ZHX2: variants seen among roughly 807,000 people sequenced by gnomAD.
ZHX2 encodes zinc fingers and homeoboxes protein 2.
In ZHX2, 6 loss-of-function variants were observed where a neutral mutation model predicts 21.9. That is an observed-to-expected ratio of 0.27 (90% CI 0.15 to 0.54). The LOEUF is 0.54. ZHX2 is among the 20% of genes least tolerant of loss of function. ZHX2 has a pLI of 0.95. For synonymous variants in ZHX2, 434 were observed against 437.1 expected, an observed-to-expected ratio of 0.99 and a Z score of 0.09; for missense variants, 908 against 1,090.7, an observed-to-expected ratio of 0.83 and a Z score of 2.36.
chr8:122,825,570 T>G (rs565911651), intron 1 of ZHX2, among the ~76,000 whole-genome samples: 61 of 152,302 alleles, frequency 4.0e-4, no homozygotes, highest in African/African-American at 1.4e-3. Context: ...CACCATATTT[T>G]AGTCCATGTT....
At chr8:122,817,966 C>T (rs935998823) in intron 1 of ZHX2, among the ~76,000 whole-genome samples, 2 of 152,226 alleles carry the variant, frequency 1.3e-5, no homozygotes, top group African/African-American at 4.8e-5. Context: ...TCCCAGATTG[C>T]TCAGCCCTCA....
At chr8:122,949,186 T>C (rs1813049029) in intron 2 of ZHX2, among the ~76,000 whole-genome samples, 1 of 152,120 alleles carries the variant, frequency 6.6e-6, no homozygotes, top group South Asian at 2.1e-4. Context: ...TAGCCTGGCG[T>C]GGTGGCGCAT....
At chr8:122,844,955 G>C (rs540056996) in intron 1 of ZHX2, among the ~76,000 whole-genome samples, 1 of 152,310 alleles carries the variant, frequency 6.6e-6, no homozygotes, top group South Asian at 2.1e-4. Context: ...GTGGGGCTTG[G>C]TGGCCTTACA....
chr8:122,917,127 A>G (rs557395029), intron 2 of ZHX2, among the ~76,000 whole-genome samples: 21 of 152,226 alleles, frequency 1.4e-4, no homozygotes, highest in Admixed American at 3.9e-4. Context: ...CAGGGCTCCC[A>G]GCCTTGGGCT....
intron 1 of ZHX2, among the ~76,000 whole-genome samples, chr8:122,848,664 AT>A (rs1563752969): frequency 6.6e-6 from 1 of 152,192 alleles, no homozygotes; most frequent in Non-Finnish European, 1.5e-5. Context: ...TTTTGCCTGG[AT>A]TCCCATATTT....
chr8:122,919,917 C>T (rs779251912), intron 2 of ZHX2, among the ~76,000 whole-genome samples: 21 of 152,222 alleles, frequency 1.4e-4, no homozygotes, highest in Non-Finnish European at 2.4e-4. Flanking sequence ...GTAATTCCTA[C>T]ACCCATAGAT....
intron 1 of ZHX2, among the ~76,000 whole-genome samples, chr8:122,841,215 A>C (rs1818617053): frequency 6.6e-6 from 1 of 152,132 alleles, no homozygotes; most frequent in African/African-American, 2.4e-5. Context: ...AGCCCTAATG[A>C]GAACTCTCAA....
At chr8:122,965,645 G>A (rs770312073) in intron 3 of ZHX2, among the ~76,000 whole-genome samples, 1 of 152,012 alleles carries the variant, frequency 6.6e-6, no homozygotes, top group Non-Finnish European at 1.5e-5. Flanking sequence ...TAGAACATTC[G>A]GAAAATATCT....
chr8:122,819,098 C>A (rs1221549883), intron 1 of ZHX2, among the ~76,000 whole-genome samples: 2 of 152,156 alleles, frequency 1.3e-5, no homozygotes, highest in African/African-American at 4.8e-5. Flanking sequence ...GAGCTGAAGG[C>A]CTTCTTGAAG....
At chr8:122,816,269 GTACTGCTGTTGCTTATTAGAC>G (rs1465847243) in intron 1 of ZHX2, 1 of 151,922 alleles carries the variant, frequency 6.6e-6, no homozygotes, top group Admixed American at 6.6e-5. Flanking sequence ...TTTTTTATGT[GTACTGCTGTTGCTTATTAGAC>G]TATAGTACAG....
intron 1 of ZHX2, among the ~76,000 whole-genome samples, chr8:122,856,222 C>A (rs1819018578): frequency 6.6e-6 from 1 of 152,144 alleles, no homozygotes; most frequent in Non-Finnish European, 1.5e-5. Flanking sequence ...AGTCTCTAAC[C>A]AAGAATATGC....
intron 1 of ZHX2, among the ~76,000 whole-genome samples, chr8:122,840,149 C>T (rs908129206): frequency 1.3e-5 from 2 of 152,196 alleles, no homozygotes; most frequent in Non-Finnish European, 2.9e-5. Flanking sequence ...GCTTCCTGCA[C>T]TAGGAATAAT....
chr8:122,970,121 G>T (rs1813682132), intron 3 of ZHX2, among the ~76,000 whole-genome samples: 1 of 152,104 alleles, frequency 6.6e-6, no homozygotes, highest in African/African-American at 2.4e-5. Flanking sequence ...ATCCTCCAGG[G>T]CTCTGAGAGG....
intron 2 of ZHX2, among the ~76,000 whole-genome samples, chr8:122,874,101 GAA>G (rs1035979053): frequency 1.3e-4 from 20 of 152,286 alleles, no homozygotes; most frequent in African/African-American, 4.8e-4. Context: ...TGAGAAGGGG[GAA>G]AGAGTAGACA....
At chr8:122,958,865 CTG>C (rs1295150934) in intron 3 of ZHX2, among the ~76,000 whole-genome samples, 1 of 152,204 alleles carries the variant, frequency 6.6e-6, no homozygotes, top group Non-Finnish European at 1.5e-5. Flanking sequence ...CTGTGCTAGT[CTG>C]TGTAGATTTG....
Position 122,973,859 on chromosome 8 carries a change from C to T in ZHX2, c.*622C>T, listed in dbSNP as rs772342929. Reference sequence around the variant, plus strand: ...ACGGCAGATCTTCCAAATCAAATTCCTTTCCAGTTCTTCCCCTGGCTGCCT... The same window carrying T: ...ACGGCAGATCTTCCAAATCAAATTCTTTTCCAGTTCTTCCCCTGGCTGCCT... On this transcript the variant is annotated 3_prime_UTR_variant, in exon 4 of 4. Transcript: ENST00000314393. 15 of 152,588 alleles carry T rather than the reference C, an allele frequency of 9.8e-5. No homozygotes were observed. The highest frequency in any genetic ancestry group is 7.2e-4 in the Admixed American group (11 of 15,272). The allele number at this position is 152,588 out of a possible 1,614,324, so 9.5% of individuals were successfully genotyped here.
chr8:122,798,099 C>T (rs900986641), intron 1 of ZHX2, among the ~76,000 whole-genome samples: 52 of 152,196 alleles, frequency 3.4e-4, no homozygotes, highest in African/African-American at 1.2e-3. Context: ...AGAGCCAGAC[C>T]GGTCTAGCTG....
chr8:122,822,383 C>T (rs1443021676), intron 1 of ZHX2, among the ~76,000 whole-genome samples: 2 of 152,128 alleles, frequency 1.3e-5, no homozygotes, highest in South Asian at 2.1e-4. Flanking sequence ...TCCTTCAAAA[C>T]TGAGGCCCAG....
intron 2 of ZHX2, among the ~76,000 whole-genome samples, chr8:122,887,642 G>A (rs1383285133): frequency 6.6e-6 from 1 of 152,192 alleles, no homozygotes; most frequent in Non-Finnish European, 1.5e-5. Context: ...GCAAAAGTGT[G>A]CTAAAAATTA....
Sources: allele counts gnomAD v4.1 joint callset (sites outside exome capture counted in the v4.1 genomes callset), GRCh38; gene constraint gnomAD v4.1.1; transcripts MANE v1.5; gene names NCBI Gene and HGNC (gene_info 2026-07-23, HGNC 2026-07-21).